ZFP64: variants seen among roughly 807,000 people sequenced by gnomAD.
The protein encoded by ZFP64 is ZFP64 zinc finger protein.
ZFP64 carries 14 observed loss-of-function variants against 51.6 expected under a neutral mutation model. That is an observed-to-expected ratio of 0.27 (90% CI 0.18 to 0.42). ZFP64 has a LOEUF of 0.42. Among genes scored for constraint, ZFP64 ranks in the 10% least tolerant of loss-of-function variants. The pLI, the probability that ZFP64 is intolerant of heterozygous loss-of-function variation, is 1.00. For missense variants in ZFP64, 754 were observed against 906.8 expected, an observed-to-expected ratio of 0.83 and a Z score of 2.16; for synonymous variants, 375 against 361.4, an observed-to-expected ratio of 1.04 and a Z score of -0.43.
At chr20:52,181,931 T>C (rs1312824082) in intron 2 of ZFP64, among the ~76,000 whole-genome samples, 1 of 152,140 alleles carries the variant, frequency 6.6e-6, no homozygotes, top group Non-Finnish European at 1.5e-5. Flanking sequence ...TCTGCTTGTT[T>C]AGTTGGCACA....
chr20:52,165,728 C>T, intron 3 of ZFP64, 136 bp downstream of exon 3: 4 of 1,185,434 alleles, frequency 3.4e-6, no homozygotes, highest in Non-Finnish European at 4.9e-6. Context: ...GATGTAAATG[C>T]CAGGGGGCTC....
chr20:52,183,459 G>A (rs750101202), intron 2 of ZFP64, among the ~76,000 whole-genome samples: 3 of 152,160 alleles, frequency 2.0e-5, no homozygotes, highest in African/African-American at 4.8e-5. Flanking sequence ...AGACCACTAC[G>A]ATAAGGGGCA....
chr20:52,085,260 G>T lies in ZFP64; in HGVS notation c.1235C>A (p.Thr412Asn). The T allele has an allele frequency of 2.5e-6, 4 of 1,610,270 alleles. No individual in the cohort carries two copies. Among genetic ancestry groups the T allele is most frequent in the Non-Finnish European group, 3.4e-6 (4 of 1,177,602 alleles). ...GCTACAGAGCCAGCACTGGAAGGGG[G>T]TATCCCCTAGCAATGGAAGGTGTGT... The change falls in exon 9 of 9, where the codon ACC becomes AAC. Residue 412 changes from threonine to asparagine, a missense_variant. Physicochemically the swap from Thr to Asn is moderately conservative, Grantham distance 65 (BLOSUM62 0). Coordinates refer to the ZFP64 transcript ENST00000361387. This position sits in a 1 kb window ranked among gnomAD's most constrained non-coding sequence, Gnocchi z 4.3.
At chr20:52,131,141 G>A (rs1301331151) in intron 5 of ZFP64, among the ~76,000 whole-genome samples, 3 of 149,734 alleles carry the variant, frequency 2.0e-5, no homozygotes, top group Non-Finnish European at 4.4e-5. Flanking sequence ...AGGAAGAAAG[G>A]AAAACAGGAA....
At chr20:52,099,720 C>G (rs1049791768) in intron 5 of ZFP64, among the ~76,000 whole-genome samples, 1 of 152,130 alleles carries the variant, frequency 6.6e-6, no homozygotes, top group Non-Finnish European at 1.5e-5. Context: ...TAATCCAGGG[C>G]AGGGAGAGAG....
intron 2 of ZFP64, among the ~76,000 whole-genome samples, chr20:52,183,019 G>A (rs978331825): frequency 5.3e-5 from 8 of 152,106 alleles, no homozygotes; most frequent in Non-Finnish European, 1.0e-4. Context: ...TTTAAGTCCA[G>A]CTCTGACATA....
At position 52,153,614 on chromosome 20, in the gene ZFP64, A is replaced by G. The variant is rs1055727040; in HGVS notation, c.764-186T>C. Among the ~76,000 whole-genome samples, 16 of 152,152 alleles carry G rather than the reference A, an allele frequency of 1.1e-4. No homozygotes were observed. The highest frequency in any genetic ancestry group is 3.9e-4 in the African/African-American group (16 of 41,434). Reference sequence around the variant, plus strand: ...CGTCTTTATCTTTCCCCGGAACCCAAACCACCACCACCGGTATCAAACCCA... The same window carrying G: ...CGTCTTTATCTTTCCCCGGAACCCAGACCACCACCACCGGTATCAAACCCA... On this transcript the variant is annotated intron_variant, in intron 5 of 5. Coordinates refer to ENST00000216923, the MANE Select transcript of ZFP64 (RefSeq NM_018197.3). This position sits in a 1 kb window ranked among gnomAD's most constrained non-coding sequence, Gnocchi z 5.1.
At chr20:52,186,808 G>A (rs377553711) in intron 2 of ZFP64, 24 bp downstream of exon 2, 132 of 1,583,356 alleles carry the variant, frequency 8.3e-5, no homozygotes, top group Non-Finnish European at 1.1e-4. Flanking sequence ...AATTCTGGCC[G>A]ACTCCCCCAT....
At chr20:52,142,839 C>CAAAAAAAAAAAAA (rs386393987) in intron 5 of ZFP64, among the ~76,000 whole-genome samples, 11 of 55,032 alleles carry the variant, frequency 2.0e-4, no homozygotes, top group Non-Finnish European at 3.2e-4. Context: ...GACTCCATCT[C>CAAAAAAAAAAAAA]AAAAAAAAAA....
intron 6 of ZFP64, among the ~76,000 whole-genome samples, chr20:52,097,963 G>A (rs908938506): frequency 6.6e-6 from 1 of 152,018 alleles, no homozygotes; most frequent in African/African-American, 2.4e-5. Context: ...AACTACTCAG[G>A]GGGCGGATGA....
Position 52,152,531 on chromosome 20 carries a change from G to A in ZFP64, c.1661C>T (p.Ser554Phe). The change falls in exon 6 of 6, where the codon TCC becomes TTC. Residue 554 changes from serine to phenylalanine, a missense_variant. Coordinates refer to ENST00000216923, the MANE Select transcript of ZFP64 (RefSeq NM_018197.3). ...RQVSLIAPPQ[S>F]SRCPSEAGAM... Reference sequence around the variant, plus strand: ...GCCCGCCTCGCTCGGACACCGCGAGGACTGAGGGGGGGCGATCAGACTGAC... The same window carrying A: ...GCCCGCCTCGCTCGGACACCGCGAGAACTGAGGGGGGGCGATCAGACTGAC... 6.3e-7 allele frequency: 1 copy of A among 1,594,070 alleles called. No individual in the cohort carries two copies. The highest frequency in any genetic ancestry group is 8.5e-7 in the Non-Finnish European group (1 of 1,171,144).
chr20:52,114,435 C>T (rs1045972132), intron 5 of ZFP64, among the ~76,000 whole-genome samples: 2 of 152,090 alleles, frequency 1.3e-5, no homozygotes, highest in African/African-American at 4.8e-5. Flanking sequence ...GCTTCTCAAA[C>T]TTTGATGTAC....
At chr20:52,182,050 G>A (rs1039353894) in intron 2 of ZFP64, among the ~76,000 whole-genome samples, 4 of 152,284 alleles carry the variant, frequency 2.6e-5, no homozygotes, top group South Asian at 4.2e-4. Context: ...TAATAAAAGC[G>A]ATCGCTCATT....
chr20:52,116,130 C>T (rs181826498), intron 5 of ZFP64, among the ~76,000 whole-genome samples: 215 of 149,138 alleles, frequency 1.4e-3, no homozygotes, highest in Non-Finnish European at 2.1e-3. Context: ...CACAGCACCA[C>T]GTCAATATTT....
chr20:52,151,273 T>G, downstream of ZFP64: 2 of 985,212 alleles, frequency 2.0e-6, no homozygotes, highest in Non-Finnish European at 2.4e-6. Flanking sequence ...ATCATTAACA[T>G]TCAGTATATT....
chr20:52,149,256 C>A (rs1980672419), downstream of ZFP64, among the ~76,000 whole-genome samples: 1 of 145,204 alleles, frequency 6.9e-6, no homozygotes, highest in African/African-American at 2.6e-5. Flanking sequence ...GAAACTTACA[C>A]TTTTGAATCT....
At chr20:52,138,054 T>TAAGC (rs10563011) in intron 5 of ZFP64, among the ~76,000 whole-genome samples, 4 of 137,048 alleles carry the variant, frequency 2.9e-5, no homozygotes, top group East Asian at 2.1e-4. Flanking sequence ...AATAAATAAA[T>TAAGC]AAGCAAGCCA....
intron 5 of ZFP64, among the ~76,000 whole-genome samples, chr20:52,112,614 CTTTTTTT>C (rs138459074): frequency 0.06 from 8,041 of 134,438 alleles, 285 homozygotes; most frequent in Admixed American, 0.13. Context: ...GTTCTCCTTC[CTTTTTTT>C]TTTTCTTTGT....
intron 5 of ZFP64, among the ~76,000 whole-genome samples, chr20:52,130,826 A>G (rs1460846055): frequency 6.6e-6 from 1 of 152,146 alleles, no homozygotes; most frequent in Non-Finnish European, 1.5e-5. Flanking sequence ...CTGTAATCTC[A>G]GCACTTTGGG....
Sources: allele counts gnomAD v4.1 joint callset (sites outside exome capture counted in the v4.1 genomes callset), GRCh38; gene constraint gnomAD v4.1.1; non-coding constraint Gnocchi (gnomAD v3.1); transcripts MANE v1.5; gene names NCBI Gene and HGNC (gene_info 2026-07-23, HGNC 2026-07-21).